Variants in PTPRT observed in about 807,000 individuals in gnomAD.
The protein encoded by PTPRT is receptor-type tyrosine-protein phosphatase T.
Under a neutral mutation model 176.8 loss-of-function variants are expected in PTPRT, and 56 were observed. The observed-to-expected ratio is 0.32, with a 90% CI of 0.26 to 0.40. The LOEUF is 0.40. Among genes scored for constraint, PTPRT ranks in the 10% least tolerant of loss-of-function variants. The pLI is 1.00. For missense variants in PTPRT, 1,540 were observed against 1,908.2 expected, an observed-to-expected ratio of 0.81 and a Z score of 3.60; for synonymous variants, 783 against 739.0, an observed-to-expected ratio of 1.06 and a Z score of -0.96.
chr20:42,422,491 C>T (rs562050794), intron 9 of PTPRT, among the ~76,000 whole-genome samples: 1 of 152,248 alleles, frequency 6.6e-6, no homozygotes, highest in African/African-American at 2.4e-5. Context: ...TCAAAACCAC[C>T]ATGAGATACC....
chr20:42,697,279 G>A (rs887813171), intron 6 of PTPRT, among the ~76,000 whole-genome samples: 10 of 152,132 alleles, frequency 6.6e-5, no homozygotes, highest in South Asian at 4.1e-4. Context: ...AAAAGGATAC[G>A]GGTTACTGTT....
chr20:43,071,614 C>T (rs574000764), intron 1 of PTPRT, among the ~76,000 whole-genome samples: 1 of 151,952 alleles, frequency 6.6e-6, no homozygotes, highest in South Asian at 2.1e-4. Flanking sequence ...GGAGAAACCC[C>T]GTCTCTACTA....
At chr20:42,860,175 G>T (rs1413022878) in intron 2 of PTPRT, among the ~76,000 whole-genome samples, 1 of 152,084 alleles carries the variant, frequency 6.6e-6, no homozygotes, top group Admixed American at 6.5e-5. Flanking sequence ...TTAGAAATGT[G>T]AAGTTTGTCT....
At chr20:42,244,731 A>C (rs1285975029) in intron 14 of PTPRT, among the ~76,000 whole-genome samples, 1 of 152,208 alleles carries the variant, frequency 6.6e-6, no homozygotes, top group Non-Finnish European at 1.5e-5. Context: ...GTGCGCATAC[A>C]TATAATTTCA....
chr20:42,159,976 A>G lies in PTPRT; in HGVS notation c.2682+1376T>C, dbSNP rs570944575. ...CAATTTCATGACCTCATACGACTTCAGAAATATTGCTTTGTAAGCTCTTTC... is the reference window on the plus strand; with the variant it reads ...CAATTTCATGACCTCATACGACTTCGGAAATATTGCTTTGTAAGCTCTTTC... On this transcript the variant is annotated intron_variant, in intron 17 of 30. Transcript: ENST00000373187. 1.2e-4 allele frequency among the ~76,000 whole-genome samples: 18 copies of G among 152,328 alleles called. No homozygotes were observed. The South Asian group carries it at 3.1e-3, about 26-fold the overall frequency.
chr20:42,501,661 A>G (rs1161822778), intron 7 of PTPRT, among the ~76,000 whole-genome samples: 1 of 152,226 alleles, frequency 6.6e-6, no homozygotes, highest in Non-Finnish European at 1.5e-5. Context: ...TGATAGAAAC[A>G]GTACAACCTG....
intron 5 of PTPRT, 90 bp from the exon 6 acceptor site, chr20:42,756,726 A>C: frequency 8.6e-7 from 1 of 1,164,970 alleles, no homozygotes; most frequent in Non-Finnish European, 1.2e-6. Context: ...CCATCCTCAC[A>C]CCCCTGGGGC....
intron 7 of PTPRT, among the ~76,000 whole-genome samples, chr20:42,644,771 T>A (rs1055039590): frequency 2.0e-5 from 3 of 152,166 alleles, no homozygotes; most frequent in African/African-American, 7.2e-5. Flanking sequence ...GGTAAAGACC[T>A]GGGATAATGA....
intron 1 of PTPRT, among the ~76,000 whole-genome samples, chr20:43,128,081 G>A (rs536546080): frequency 2.6e-5 from 4 of 152,312 alleles, no homozygotes; most frequent in South Asian, 4.1e-4. Flanking sequence ...CTCCAACCAT[G>A]AGCATGGGAA....
chr20:42,139,233 C>A (rs1331486364), intron 18 of PTPRT, among the ~76,000 whole-genome samples: 3 of 152,140 alleles, frequency 2.0e-5, no homozygotes, highest in African/African-American at 7.2e-5. Context: ...TGCTCTTGCC[C>A]TGATCTCTTG....
At chr20:42,054,270 G>A in the PTPRT span, among the ~76,000 whole-genome samples, 2 of 152,224 alleles carry the variant, frequency 1.3e-5, no homozygotes, top group African/African-American at 4.8e-5. Context: ...ACTCACTGGG[G>A]TGAGGGTGGA....
chr20:42,250,864 A>G (rs1220283080), intron 13 of PTPRT, among the ~76,000 whole-genome samples: 1 of 152,210 alleles, frequency 6.6e-6, no homozygotes, highest in Non-Finnish European at 1.5e-5. Context: ...TTCCTTTCAC[A>G]AGCTAATGGC....
intron 2 of PTPRT, among the ~76,000 whole-genome samples, chr20:42,869,390 T>G (rs758268870): frequency 3.9e-5 from 6 of 152,154 alleles, no homozygotes; most frequent in Non-Finnish European, 7.3e-5. Context: ...TGGCCCACCC[T>G]TGCTGCACGG....
intron 7 of PTPRT, among the ~76,000 whole-genome samples, chr20:42,490,474 T>C (rs546420591): frequency 4.3e-4 from 66 of 152,304 alleles, no homozygotes; most frequent in African/African-American, 1.6e-3. Flanking sequence ...TGATCATTTG[T>C]ATTACAATTG....
chr20:42,059,964 G>A, the PTPRT span, among the ~76,000 whole-genome samples: 239 of 152,178 alleles, frequency 1.6e-3, no homozygotes, highest in Middle Eastern at 0.01. Context: ...ATCTCCCAGG[G>A]CCCTTCTTGT....
intron 17 of PTPRT, among the ~76,000 whole-genome samples, chr20:42,155,093 GA>G (rs1989296083): frequency 6.6e-6 from 1 of 152,174 alleles, no homozygotes; most frequent in Non-Finnish European, 1.5e-5. Context: ...GGAGGGCTTA[GA>G]AAACACTGAA....
At chr20:42,520,835 G>A (rs1020845490) in intron 7 of PTPRT, among the ~76,000 whole-genome samples, 42 of 136,898 alleles carry the variant, frequency 3.1e-4, no homozygotes, top group Admixed American at 2.5e-3. Flanking sequence ...ATGTATGGGT[G>A]TGTGTGTAGA....
intron 1 of PTPRT, among the ~76,000 whole-genome samples, chr20:42,928,882 A>G (rs1183019292): frequency 6.6e-6 from 1 of 152,152 alleles, no homozygotes; most frequent in African/African-American, 2.4e-5. Context: ...CCAAGTACTG[A>G]CCCTGTCAGT....
At chr20:42,537,035 G>A (rs966715122) in intron 7 of PTPRT, among the ~76,000 whole-genome samples, 2 of 152,022 alleles carry the variant, frequency 1.3e-5, no homozygotes, top group Non-Finnish European at 2.9e-5. Context: ...AAAGAATTGG[G>A]TAAATATGTA....
Sources: allele counts gnomAD v4.1 joint callset (sites outside exome capture counted in the v4.1 genomes callset), GRCh38; gene constraint gnomAD v4.1.1; transcripts MANE v1.5; gene names NCBI Gene and HGNC (gene_info 2026-07-23, HGNC 2026-07-21).